Variants in SLC12A3 observed in about 807,000 individuals in gnomAD.
SLC12A3 encodes the protein Na-Cl cotransporter.
Under a neutral mutation model 121.0 loss-of-function variants are expected in SLC12A3, and 104 were observed. That is an observed-to-expected ratio of 0.86 (90% CI 0.73 to 1.01). The LOEUF (loss-of-function observed/expected upper bound fraction) is 1.01. Ranked by LOEUF, SLC12A3 falls within the 50% of genes least tolerant of loss-of-function variation. The probability of loss-of-function intolerance (pLI) is 0.00; values close to 1 mark genes in which losing one functional copy is unlikely to be tolerated. For missense variants in SLC12A3, 1,328 were observed against 1,356.3 expected (o/e 0.98, Z 0.33); for synonymous variants, 536 against 533.4 (o/e 1.00, Z -0.07).
At chr16:56,888,235 C>T (rs1289850697) in intron 18 of SLC12A3, among the ~76,000 whole-genome samples, 1 of 152,218 alleles carries the variant, frequency 6.6e-6, no homozygotes, top group Non-Finnish European at 1.5e-5. Flanking sequence ...GCAAAGATTG[C>T]ACTGCTGCAC....
chr16:56,894,920 T>A (rs1448878104), intron 22 of SLC12A3, among the ~76,000 whole-genome samples: 1 of 150,290 alleles, frequency 6.7e-6, no homozygotes, highest in Non-Finnish European at 1.5e-5. Context: ...GGTTGTAAAG[T>A]CACAAATCTC....
chr16:56,913,218 C>T (rs766412868), intron 25 of SLC12A3, 46 bp from the exon 26 acceptor site: 44 of 1,612,986 alleles, frequency 2.7e-5, no homozygotes, highest in African/African-American at 1.5e-4. Context: ...GCGTGTGGAG[C>T]GGCCCCGTGG....
In SLC12A3 at chr16:56,882,444, C is replaced by G; in HGVS notation, c.1616C>G (p.Ser539Cys). The G allele has an allele frequency of 6.2e-7, 1 of 1,614,130 alleles. No homozygotes were observed. Among genetic ancestry groups the G allele is most frequent in the South Asian group, 1.1e-5 (1 of 91,078 alleles). Residue 539 changes from serine to cysteine, a missense_variant, in exon 13 of 26, where the codon TCC becomes TGC. Transcript: ENST00000563236. ...ATCATTTCCAACTTCTTCCTCTGCT[C>G]CTATGCCCTCATCAACTTCAGCTGC... Reference protein sequence around the residue: ...APIISNFFLCSYALINFSCFH... With the variant: ...APIISNFFLCCYALINFSCFH...
chr16:56,878,041 T>TCCCCCCCCCCCCCCCCCCCCCCC, intron 8 of SLC12A3, 36 bp from the exon 9 acceptor site: 5 of 393,174 alleles, frequency 1.3e-5, no homozygotes, highest in South Asian at 2.1e-5. Flanking sequence ...CCTCTCTCCC[T>TCCCCCCCCCCCCCCCCCCCCCCC]CCCTCCCTCC....
rs3794652 is a variant in SLC12A3 at position 56,905,899 on chromosome 16, C to A, written c.2924+1437C>A. Among the ~76,000 whole-genome samples, 3 of 151,958 alleles carry A rather than the reference C, an allele frequency of 2.0e-5. No individual in the cohort carries two copies. The East Asian group carries it at 5.8e-4, about 29-fold the overall frequency. ...TTTTTCAAACTTCACCTGTTTGAAC[C>A]CTTCTATAAATCTGCAAAATGCATC... On this transcript the variant is annotated intron_variant, in intron 25 of 25. Coordinates refer to ENST00000563236, the MANE Select transcript of SLC12A3 (RefSeq NM_001126108.2).
intron 18 of SLC12A3, 125 bp downstream of exon 18, chr16:56,888,156 G>A: frequency 1.5e-6 from 1 of 675,346 alleles, no homozygotes; most frequent in Non-Finnish European, 2.7e-6. Context: ...GCTGGCATCT[G>A]TAGTCCCAGC....
chr16:56,913,464 A>C lies in SLC12A3; in HGVS notation c.*59A>C. On this transcript the variant is annotated 3_prime_UTR_variant, in exon 26 of 26. Coordinates refer to ENST00000563236, the MANE Select transcript of SLC12A3 (RefSeq NM_001126108.2). ...AGTGTGTGGGATAAGTTGGAACTTG[A>C]TTGCCTCTAGTCCACAGGGATGAGA... is the stretch of plus-strand genomic sequence containing the variant. 6.5e-7 allele frequency: 1 copy of C among 1,540,864 alleles called. No homozygotes were observed. The highest frequency in any genetic ancestry group is 2.2e-5 in the East Asian group (1 of 44,532).
At chr16:56,867,925 GGC>G (rs1964398365) in intron 2 of SLC12A3, among the ~76,000 whole-genome samples, 1 of 152,230 alleles carries the variant, frequency 6.6e-6, no homozygotes, top group Non-Finnish European at 1.5e-5. Context: ...TGGCTCACCT[GGC>G]ATTTGCTGAG....
chr16:56,902,972 C>A (rs2055559323), intron 24 of SLC12A3, among the ~76,000 whole-genome samples: 1 of 151,742 alleles, frequency 6.6e-6, no homozygotes, highest in African/African-American at 2.4e-5. Flanking sequence ...ATGGTGAGAC[C>A]CCATCTCTAC....
chr16:56,874,704 C>G (rs1168805323), intron 8 of SLC12A3, among the ~76,000 whole-genome samples: 1 of 152,168 alleles, frequency 6.6e-6, no homozygotes, highest in African/African-American at 2.4e-5. Flanking sequence ...ACTCGGGAGG[C>G]TAAGGCAGGA....
At chr16:56,902,531 G>GCA in intron 24 of SLC12A3, 23 bp downstream of exon 24, 2 of 714,556 alleles carry the variant, frequency 2.8e-6, no homozygotes, top group Non-Finnish European at 4.8e-6. Context: ...GTGGGGGTGG[G>GCA]AAACGCGACA....
At chr16:56,875,481 CG>C (rs1385414530) in intron 8 of SLC12A3, among the ~76,000 whole-genome samples, 1 of 152,092 alleles carries the variant, frequency 6.6e-6, no homozygotes, top group Non-Finnish European at 1.5e-5. Context: ...CAGAGAGGTT[CG>C]GGGGCCTGCC....
At position 56,886,940 on chromosome 16, in the gene SLC12A3, C is replaced by T; in HGVS notation, c.2038-13C>T. 6.2e-7 allele frequency: 1 copy of T among 1,613,392 alleles called. No individual in the cohort carries two copies. On this transcript the variant is annotated splice_polypyrimidine_tract_variant and intron_variant, in intron 16 of 25. Transcript: ENST00000563236. ...AGGCAGCTGGTGATGTCCCCTGCCC[C>T]TCCCACCCACAGGGACCCCACAAGC...
In SLC12A3 at chr16:56,865,440, C is replaced by A. The variant is rs780502516; in HGVS notation, c.205C>A (p.His69Asn). The A allele has an allele frequency of 1.2e-6, 2 of 1,614,066 alleles. No individual in the cohort carries two copies. The highest frequency in any genetic ancestry group is 1.7e-6 in the Non-Finnish European group (2 of 1,180,056). Residue 69 changes from histidine to asparagine, a missense_variant, in exon 1 of 26, where the codon CAC becomes AAC. Physicochemically the swap from His to Asn is moderately conservative, Grantham distance 68. Coordinates refer to ENST00000563236, the MANE Select transcript of SLC12A3 (RefSeq NM_001126108.2). ...GATCGATGTGGTGCCCACATATGAG[C>A]ACTATGCCAACAGCACCCAGCCTGG... ...NTIDVVPTYE[H>N]YANSTQPGEP...
chr16:56,911,488 C>T lies in SLC12A3; in HGVS notation c.2925-1776C>T, dbSNP rs561681339. 1.8e-4 allele frequency among the ~76,000 whole-genome samples: 28 copies of T among 152,170 alleles called. No homozygotes were observed. In the South Asian group the frequency reaches 2.7e-3, roughly 15 times the overall value. On this transcript the variant is annotated intron_variant, in intron 25 of 25. Transcript: ENST00000563236. The stretch of plus-strand genomic sequence containing the variant: ...CACAGGCGTGTGCCATCATGCCCAG[C>T]TAATTTTTCTATTTTTTGTAAAGAC...
In SLC12A3 at chr16:56,872,766, A is replaced by G. The variant is rs781030242; in HGVS notation, c.1075A>G (p.Asn359Asp). The G allele has an allele frequency of 8.7e-6, 14 of 1,614,124 alleles. No homozygotes were observed. The highest frequency in any genetic ancestry group is 1.1e-5 in the Non-Finnish European group (13 of 1,180,050). ...PSATGILAGA[N>D]ISGDLKDPAI... ...GGCCACAGGCATCCTGGCAGGGGCC[A>G]ACATATCTGGTGACCTCAAGGTGAG... The change falls in exon 8 of 26, where the codon AAC (asparagine) becomes GAC (aspartate). Residue 359 changes from asparagine (N) to aspartate (D), a missense_variant. By Grantham distance (23) the Asn-to-Asp change is conservative (BLOSUM62 1). Coordinates refer to ENST00000563236, the MANE Select transcript of SLC12A3 (RefSeq NM_001126108.2).
chr16:56,870,840 C>CT lies in SLC12A3; in HGVS notation c.852+117dup, dbSNP rs71152213. 0.23 allele frequency: 118,012 copies of CT among 522,900 alleles called. 1,463 individuals are homozygous for CT. The highest frequency in any genetic ancestry group is 0.24 in the Non-Finnish European group (71,237 of 296,564). 32.4% of individuals were successfully genotyped at this position (522,900 alleles called of 1,614,324 possible). ...GTCCTCTGCCTTTTCTTTTTCTTTTCTTTTTTTTTTTTTGAGACAGAATCT... is the reference window on the plus strand; with the variant it reads ...GTCCTCTGCCTTTTCTTTTTCTTTTCTTTTTTTTTTTTTTGAGACAGAATCT... On this transcript the variant is annotated intron_variant, in intron 6 of 25. Coordinates refer to ENST00000563236, the MANE Select transcript of SLC12A3 (RefSeq NM_001126108.2).
chr16:56,900,697 A>C (rs2055526548), intron 23 of SLC12A3, among the ~76,000 whole-genome samples: 1 of 151,880 alleles, frequency 6.6e-6, no homozygotes, highest in Non-Finnish European at 1.5e-5. Context: ...TGCCCGGCTA[A>C]ATTTGGTATT....
At chr16:56,899,104 C>T (rs2055503611) in intron 22 of SLC12A3, among the ~76,000 whole-genome samples, 1 of 152,208 alleles carries the variant, frequency 6.6e-6, no homozygotes, top group Non-Finnish European at 1.5e-5. Context: ...TGTGGGTATT[C>T]GTTTCCTGTC....
Sources: gnomAD v4.1 joint callset for allele counts (sites outside exome capture counted in the v4.1 genomes callset) on GRCh38, gnomAD v4.1.1 for gene constraint, MANE v1.5 for transcripts, NCBI Gene and HGNC (gene_info 2026-07-23, HGNC 2026-07-21) for gene names.